BAX: variants seen among roughly 807,000 people sequenced by gnomAD.
BAX encodes the protein BCL2 associated X, apoptosis regulator.
A neutral mutation model predicts 26.8 loss-of-function variants in BAX; 21 were observed. The ratio of observed to expected loss-of-function variants is 0.78; its 90% CI spans 0.56 to 1.13. The LOEUF is 1.13. Ranked by LOEUF, BAX falls within the 50% of genes most tolerant of loss-of-function variation. BAX has a pLI of 0.00. For missense variants in BAX, 236 were observed against 254.6 expected (o/e 0.93, Z 0.50); for synonymous variants, 110 against 101.8 (o/e 1.08, Z -0.49).
rs185408066 is a variant in BAX at position 48,959,227 on chromosome 19, G to A, written c.370-1583G>A. The stretch of plus-strand genomic sequence containing the variant: ...TAGCCGGGCATGGTGGTGGGCACTT[G>A]TAGTCCCAGCTACTCGGGAGGCTGA... On this transcript the variant is annotated intron_variant, in intron 4 of 5. Coordinates refer to ENST00000345358, the MANE Select transcript of BAX (RefSeq NM_138761.4). Among the ~76,000 whole-genome samples the A allele has an allele frequency of 3.7e-3, 568 of 151,600 alleles. 1 individual carries two copies. Among genetic ancestry groups the A allele is most frequent in the Non-Finnish European group, 6.7e-3 (455 of 67,938 alleles).
intron 4 of BAX, among the ~76,000 whole-genome samples, chr19:48,956,645 G>T (rs920536197): frequency 6.7e-6 from 1 of 148,908 alleles, no homozygotes; most frequent in African/African-American, 2.5e-5. Context: ...GGTCAGGAAA[G>T]ATTTCTATTT....
Position 48,956,223 on chromosome 19 carries a change from TC to T in BAX, c.265del (p.Arg89GlufsTer44). 1.3e-6 allele frequency: 2 copies of T among 1,560,858 alleles called. No homozygotes were observed. Among genetic ancestry groups the T allele is most frequent in the Non-Finnish European group, 1.7e-6 (2 of 1,153,532 alleles). On this transcript the variant is annotated frameshift_variant, in exon 4 of 6. Coordinates refer to ENST00000345358, the MANE Select transcript of BAX (RefSeq NM_138761.4). LOFTEE classifies it high-confidence loss of function. ...QRMIAAVDTD[S>X]PREVFFRVAA... is the part of the protein sequence containing the mutation. ...GATGATTGCCGCCGTGGACACAGAC[TC>T]CCCCCGAGAGGTCTTTTTCCGAGTG...
In BAX at chr19:48,961,198, TG is replaced by T. The variant is rs1172164408; in HGVS notation, c.474+285del. The T allele has an allele frequency of 1.0e-5, 15 of 1,491,676 alleles. No homozygotes were observed. The Admixed American group carries it at 3.5e-4, about 35-fold the overall frequency. The allele number at this position is 1,491,676 out of a possible 1,614,324, so 92.4% of individuals were successfully genotyped here. A position where few individuals can be genotyped will look rare whatever the true frequency, so the allele number is the denominator to read the frequency against. Reference sequence around the variant, plus strand: ...CTTCTGCCCTCCCTGGAGCCTCCACTGCCTCTGGAATTGCTCAAGTTCATTG... The same window carrying T: ...CTTCTGCCCTCCCTGGAGCCTCCACTCCTCTGGAATTGCTCAAGTTCATTG... On this transcript the variant is annotated intron_variant, in intron 5 of 5. Coordinates refer to ENST00000345358, the MANE Select transcript of BAX (RefSeq NM_138761.4).
intron 4 of BAX, 140 bp downstream of exon 4, chr19:48,956,473 C>T (rs34873472): frequency 1.0e-6 from 1 of 954,974 alleles, no homozygotes; most frequent in African/African-American, 1.7e-5. Context: ...TGGGTGTCTG[C>T]TCCTTCTTTT....
chr19:48,961,134 T>C, intron 5 of BAX: 5 of 1,545,348 alleles, frequency 3.2e-6, no homozygotes, highest in Non-Finnish European at 4.4e-6. Context: ...GACCTCCCAG[T>C]GACCCCTGAC....
At chr19:48,960,650 G>A (rs565332407) in intron 4 of BAX, among the ~76,000 whole-genome samples, 160 bp from the exon 5 acceptor site, 25 of 152,260 alleles carry the variant, frequency 1.6e-4, no homozygotes, top group African/African-American at 5.8e-4. Context: ...GGCATGAGCC[G>A]CCGCACCTGG....
chr19:48,958,564 C>T (rs1472106073), intron 4 of BAX, among the ~76,000 whole-genome samples: 3 of 144,036 alleles, frequency 2.1e-5, no homozygotes, highest in Non-Finnish European at 3.0e-5. Context: ...TTTCCTGAGA[C>T]GGAGTCTCTC....
intron 4 of BAX, among the ~76,000 whole-genome samples, chr19:48,958,808 G>A (rs949373273): frequency 6.6e-6 from 1 of 151,856 alleles, no homozygotes; most frequent in African/African-American, 2.4e-5. Context: ...GTCTCCCAAA[G>A]TGCTGGGATT....
chr19:48,958,328 A>T (rs1264111133), intron 4 of BAX, among the ~76,000 whole-genome samples: 2 of 131,058 alleles, frequency 1.5e-5, no homozygotes, highest in African/African-American at 5.9e-5. Flanking sequence ...ACAGGGAGGG[A>T]TATTTCTTTT....
At chr19:48,955,332 CT>C in intron 1 of BAX, 1 of 522,896 alleles carries the variant, frequency 1.9e-6, no homozygotes, top group Non-Finnish European at 3.2e-6. Context: ...CCCCTAGCCT[CT>C]TTCCCCGGGG....
chr19:48,958,670 A>G (rs1003320475), intron 4 of BAX, among the ~76,000 whole-genome samples: 5 of 151,376 alleles, frequency 3.3e-5, no homozygotes, highest in African/African-American at 1.2e-4. Context: ...CAGTCTCCCG[A>G]GTAGCTTGGG....
chr19:48,954,936 G>T lies in BAX; in HGVS notation c.8G>T (p.Gly3Val). 1 of 1,242,326 alleles carries T rather than the reference G, an allele frequency of 8.0e-7. No individual in the cohort carries two copies. Among genetic ancestry groups the T allele is most frequent in the African/African-American group, 1.5e-5 (1 of 64,916 alleles). The allele number at this position is 1,242,326 out of a possible 1,614,324, so 77.0% of individuals were successfully genotyped here. The change falls in exon 1 of 6, where the codon GGG (glycine) becomes GTG (valine). Residue 3 changes from glycine (G) to valine (V), a missense_variant. By Grantham distance (109) the Gly-to-Val change is moderately radical. Coordinates refer to ENST00000345358, the MANE Select transcript of BAX (RefSeq NM_138761.4). Reference protein sequence around the residue: MDGSGEQPRGGGP... With the variant: MDVSGEQPRGGGP... ...GCGGCGGGAGCGGCGGTGATGGACG[G>T]GTCCGGGGAGCAGCCCAGAGGCGGG...
chr19:48,956,591 A>G (rs2038141672), intron 4 of BAX, among the ~76,000 whole-genome samples: 1 of 151,952 alleles, frequency 6.6e-6, no homozygotes, highest in South Asian at 2.1e-4. Context: ...CAGGGAGTTC[A>G]CGTGCAGGGG....
chr19:48,957,376 G>T (rs916792264), intron 4 of BAX, among the ~76,000 whole-genome samples: 3 of 128,284 alleles, frequency 2.3e-5, no homozygotes, highest in African/African-American at 8.6e-5. Context: ...CCGGGTTCAA[G>T]TGACTCTCAT....
At chr19:48,955,009 G>A in intron 1 of BAX, 47 bp downstream of exon 1, 1 of 1,239,632 alleles carries the variant, frequency 8.1e-7, no homozygotes, top group Non-Finnish European at 1.0e-6. Context: ...CCCCCTCGCC[G>A]GCCCGTCCGG....
chr19:48,960,361 T>C (rs1239993570), intron 4 of BAX: 2 of 347,854 alleles, frequency 5.7e-6, no homozygotes, highest in Non-Finnish European at 1.1e-5. Flanking sequence ...ACCCAGCTAA[T>C]TTTTGTATTT....
chr19:48,960,776 G>A (rs753745806), intron 4 of BAX, 34 bp from the exon 5 acceptor site: 9 of 1,550,784 alleles, frequency 5.8e-6, no homozygotes, highest in Non-Finnish European at 8.0e-6. Flanking sequence ...TGGGGACAAG[G>A]TTCAGTCCCT....
chr19:48,955,011 C>T, intron 1 of BAX, 49 bp downstream of exon 1: 2 of 1,239,356 alleles, frequency 1.6e-6, no homozygotes, highest in Non-Finnish European at 2.0e-6. Flanking sequence ...CCCTCGCCGG[C>T]CCGTCCGGGA....
In BAX at chr19:48,961,665, T is replaced by C. The variant is rs1264089546; in HGVS notation, c.*29T>C. The C allele has an allele frequency of 1.4e-6, 2 of 1,434,316 alleles. No homozygotes were observed. The highest frequency in any genetic ancestry group is 1.4e-5 in the African/African-American group (1 of 69,240). 88.8% of individuals were successfully genotyped at this position (1,434,316 alleles called of 1,614,324 possible). A position where few individuals can be genotyped will look rare whatever the true frequency, so the allele number is the denominator to read the frequency against. On this transcript the variant is annotated 3_prime_UTR_variant, in exon 6 of 6. Coordinates refer to ENST00000345358, the MANE Select transcript of BAX (RefSeq NM_138761.4). Reference sequence around the variant, plus strand: ...CCCCAGCTGCCTTGGACTGTGTTTTTCCTCCATAAATTATGGCATTTTTCT... The same window carrying C: ...CCCCAGCTGCCTTGGACTGTGTTTTCCCTCCATAAATTATGGCATTTTTCT...
Sources: gnomAD v4.1 joint callset for allele counts (sites outside exome capture counted in the v4.1 genomes callset) on GRCh38, gnomAD v4.1.1 for gene constraint, MANE v1.5 for transcripts, NCBI Gene and HGNC (gene_info 2026-07-23, HGNC 2026-07-21) for gene names.